Variants in MACROD2 observed in about 807,000 individuals in gnomAD.
MACROD2 encodes ADP-ribose glycohydrolase MACROD2.
A neutral mutation model predicts 70.4 loss-of-function variants in MACROD2; 36 were observed. The ratio of observed to expected loss-of-function variants is 0.51; its 90% CI spans 0.39 to 0.68. The LOEUF (loss-of-function observed/expected upper bound fraction) is 0.68, where lower values mean the gene tolerates loss of function less well. Among genes scored for constraint, MACROD2 ranks in the 30% least tolerant of loss-of-function variants. MACROD2 has a pLI of 0.00. For synonymous variants in MACROD2, 172 were observed against 178.8 expected, an observed-to-expected ratio of 0.96 and a Z score of 0.30; for missense variants, 496 against 538.4, an observed-to-expected ratio of 0.92 and a Z score of 0.78.
intron 4 of MACROD2, among the ~76,000 whole-genome samples, chr20:14,498,824 C>T (rs2084885232): frequency 6.6e-6 from 1 of 152,208 alleles, no homozygotes; most frequent in Non-Finnish European, 1.5e-5. Context: ...CCTCTCACCT[C>T]CCTCCACATA....
intron 8 of MACROD2, among the ~76,000 whole-genome samples, chr20:15,632,680 G>T (rs2049308223): frequency 6.6e-6 from 1 of 152,162 alleles, no homozygotes; most frequent in South Asian, 2.1e-4. Context: ...ATAACATGAG[G>T]TTTCATAGGA....
intron 6 of MACROD2, among the ~76,000 whole-genome samples, chr20:15,364,159 A>G (rs1332160843): frequency 6.6e-6 from 1 of 152,254 alleles, no homozygotes; most frequent in Non-Finnish European, 1.5e-5. Context: ...TATTCTTCAT[A>G]AAACAACCAA....
intron 5 of MACROD2, among the ~76,000 whole-genome samples, chr20:15,214,577 G>T (rs1472849752): frequency 6.6e-6 from 1 of 152,098 alleles, no homozygotes; most frequent in Non-Finnish European, 1.5e-5. Flanking sequence ...ACATTAAAAT[G>T]CAAGAAATAA....
intron 3 of MACROD2, among the ~76,000 whole-genome samples, chr20:14,230,630 T>TA (rs1283672794): frequency 0.058 from 465 of 8,062 alleles, 7 homozygotes; most frequent in Non-Finnish European, 0.092. Flanking sequence ...CTCATTCATG[T>TA]TTATATATAT....
At chr20:15,113,537 T>C (rs574529709) in intron 5 of MACROD2, among the ~76,000 whole-genome samples, 1 of 152,312 alleles carries the variant, frequency 6.6e-6, no homozygotes, top group South Asian at 2.1e-4. Flanking sequence ...AACTCAACTA[T>C]GTGTAAAACA....
At chr20:14,769,913 C>G (rs2072142455) in intron 5 of MACROD2, among the ~76,000 whole-genome samples, 2 of 152,084 alleles carry the variant, frequency 1.3e-5, no homozygotes, top group South Asian at 4.2e-4. Context: ...AATTAAATGT[C>G]CAATGAGTTA....
chr20:15,650,537 C>T (rs2049627528), intron 8 of MACROD2, among the ~76,000 whole-genome samples: 1 of 152,214 alleles, frequency 6.6e-6, no homozygotes, highest in African/African-American at 2.4e-5. Context: ...GTTCCTTGCT[C>T]TAGGCTCACC....
chr20:14,746,745 T>A (rs1247223302), intron 5 of MACROD2, among the ~76,000 whole-genome samples: 1 of 152,150 alleles, frequency 6.6e-6, no homozygotes, highest in Non-Finnish European at 1.5e-5. Flanking sequence ...TACCTATGTG[T>A]CCTGAAAGGG....
chr20:15,000,629 CAAAAAAAAAAAAAAAAAAAA>C (rs398040701), intron 5 of MACROD2, among the ~76,000 whole-genome samples: 1 of 21,982 alleles, frequency 4.5e-5, no homozygotes, highest in East Asian at 1.5e-3. Context: ...GACTCCGTCT[CAAAAAAAAAAAAAAAAAAAA>C]AAAAAAAAAA....
At chr20:14,744,472 A>G (rs1340970819) in intron 5 of MACROD2, among the ~76,000 whole-genome samples, 5 of 152,132 alleles carry the variant, frequency 3.3e-5, no homozygotes, top group African/African-American at 1.2e-4. Context: ...AGAACACTTT[A>G]CATACACTGT....
intron 7 of MACROD2, among the ~76,000 whole-genome samples, chr20:15,487,753 G>T (rs1396750540): frequency 2.0e-5 from 3 of 152,190 alleles, no homozygotes; most frequent in African/African-American, 7.2e-5. Flanking sequence ...ACACTGAGAA[G>T]TTTTACAGAG....
At chr20:14,207,955 A>G (rs2081539096) in intron 3 of MACROD2, among the ~76,000 whole-genome samples, 1 of 152,202 alleles carries the variant, frequency 6.6e-6, no homozygotes, top group South Asian at 2.1e-4. Flanking sequence ...TTCTATTTGC[A>G]TTTGTTTATT....
At chr20:14,282,561 T>TA in intron 3 of MACROD2, among the ~76,000 whole-genome samples, 1 of 152,338 alleles carries the variant, frequency 6.6e-6, no homozygotes, top group East Asian at 1.9e-4. Flanking sequence ...TAAAGGCTTG[T>TA]ATTCGGCCAT....
At chr20:15,652,002 T>G (rs1240122486) in intron 8 of MACROD2, among the ~76,000 whole-genome samples, 4 of 151,940 alleles carry the variant, frequency 2.6e-5, no homozygotes, top group African/African-American at 9.7e-5. Flanking sequence ...ATAGTTGGAG[T>G]CAGACTTATT....
At chr20:14,881,616 T>C (rs2073611966) in intron 5 of MACROD2, among the ~76,000 whole-genome samples, 1 of 152,066 alleles carries the variant, frequency 6.6e-6, no homozygotes, top group African/African-American at 2.4e-5. Context: ...GAGGGTCATA[T>C]ATTGACTTGG....
At chr20:15,280,958 G>C (rs8121188) in intron 6 of MACROD2, 1 of 152,196 alleles carries the variant, frequency 6.6e-6, no homozygotes, top group Admixed American at 6.5e-5. Context: ...TCATAGTTTT[G>C]CATTGCTAGG....
At chr20:14,884,609 A>C (rs2122480513) in intron 5 of MACROD2, 1 of 152,390 alleles carries the variant, frequency 6.6e-6, no homozygotes, top group South Asian at 2.1e-4. Context: ...AAAGCAAAAT[A>C]AAATGTTAAG....
At chr20:15,785,697 G>T (rs1256176087) in intron 8 of MACROD2, among the ~76,000 whole-genome samples, 1 of 152,076 alleles carries the variant, frequency 6.6e-6, no homozygotes, top group Non-Finnish European at 1.5e-5. Context: ...CCCTGAGGCA[G>T]GTCCTCAGGT....
At chr20:15,953,781 C>T (rs2065939538) in intron 12 of MACROD2, among the ~76,000 whole-genome samples, 1 of 152,110 alleles carries the variant, frequency 6.6e-6, no homozygotes, top group Admixed American at 6.6e-5. Context: ...ATTTTTATTA[C>T]ATTTTCATTA....
Sources: allele counts gnomAD v4.1 joint callset (sites outside exome capture counted in the v4.1 genomes callset), GRCh38; gene constraint gnomAD v4.1.1; transcripts MANE v1.5; gene names NCBI Gene and HGNC (gene_info 2026-07-23, HGNC 2026-07-21).